The following NUMB variants were observed in gnomAD, a reference collection of about 807,000 sequenced individuals.
NUMB encodes protein numb homolog.
In NUMB, 29 loss-of-function variants were observed where a neutral mutation model predicts 59.7. The ratio of observed to expected loss-of-function variants is 0.49; its 90% CI spans 0.36 to 0.66. The LOEUF (loss-of-function observed/expected upper bound fraction) is 0.66. Among genes scored for constraint, NUMB ranks in the 30% least tolerant of loss-of-function variants. The probability of loss-of-function intolerance (pLI) is 0.00; values close to 1 mark genes in which losing one functional copy is unlikely to be tolerated. For missense variants in NUMB, 723 were observed against 822.0 expected (o/e 0.88, Z 1.47); for synonymous variants, 288 against 288.2 (o/e 1.00, Z 0.01).
intron 3 of NUMB, among the ~76,000 whole-genome samples, chr14:73,361,743 A>G (rs1400639812): frequency 2.0e-5 from 3 of 152,296 alleles, no homozygotes; most frequent in Admixed American, 6.5e-5. Context: ...TAGGTACTAG[A>G]AGAGCCAGGA....
At chr14:73,437,527 T>C (rs1456057563) in intron 1 of NUMB, among the ~76,000 whole-genome samples, 2 of 152,186 alleles carry the variant, frequency 1.3e-5, no homozygotes, top group Non-Finnish European at 2.9e-5. Context: ...TGCAATTTTC[T>C]ATTGATTATG....
intron 2 of NUMB, among the ~76,000 whole-genome samples, chr14:73,375,880 T>C (rs1246808004): frequency 1.3e-5 from 2 of 152,326 alleles, no homozygotes; most frequent in Admixed American, 1.3e-4. Context: ...AAAAATTTTA[T>C]ACAAACTAGG....
chr14:73,394,830 C>CA (rs1226929608), intron 2 of NUMB, among the ~76,000 whole-genome samples: 3 of 151,810 alleles, frequency 2.0e-5, no homozygotes, highest in Non-Finnish European at 4.4e-5. Flanking sequence ...TCATTTGAAA[C>CA]AAAAAATAAC....
intron 1 of NUMB, among the ~76,000 whole-genome samples, chr14:73,413,283 C>T (rs973668957): frequency 6.6e-6 from 1 of 150,976 alleles, no homozygotes; most frequent in Non-Finnish European, 1.5e-5. Context: ...GACAGGGTTT[C>T]ACCATGTTGG....
intron 6 of NUMB, among the ~76,000 whole-genome samples, chr14:73,312,668 T>C (rs1890838220): frequency 6.7e-6 from 1 of 150,166 alleles, no homozygotes; most frequent in Admixed American, 6.6e-5. Flanking sequence ...GAGCCATCAT[T>C]GTGCCACTGC....
chr14:73,425,701 G>A (rs1020052206), intron 1 of NUMB, among the ~76,000 whole-genome samples: 1 of 151,988 alleles, frequency 6.6e-6, no homozygotes, highest in African/African-American at 2.4e-5. Flanking sequence ...CTATATTCAA[G>A]GCACTGTTCT....
At chr14:73,396,058 G>A (rs902860930) in intron 2 of NUMB, among the ~76,000 whole-genome samples, 1 of 151,916 alleles carries the variant, frequency 6.6e-6, no homozygotes, top group Non-Finnish European at 1.5e-5. Flanking sequence ...TTAGAGACAG[G>A]CACATGCCAT....
At chr14:73,425,625 TA>T (rs1209471837) in intron 1 of NUMB, among the ~76,000 whole-genome samples, 1 of 152,146 alleles carries the variant, frequency 6.6e-6, no homozygotes, top group Admixed American at 6.6e-5. Context: ...TATAACTGTC[TA>T]AATACCAACA....
At chr14:73,316,930 C>T (rs999534027) in intron 5 of NUMB, among the ~76,000 whole-genome samples, 3 of 152,170 alleles carry the variant, frequency 2.0e-5, no homozygotes, top group East Asian at 1.9e-4. Flanking sequence ...AAATGTAATA[C>T]GTAAAATTAA....
chr14:73,456,784 G>A (rs1401331135), intron 1 of NUMB, among the ~76,000 whole-genome samples: 1 of 152,108 alleles, frequency 6.6e-6, no homozygotes, highest in Non-Finnish European at 1.5e-5. Context: ...CTTAAAGTGT[G>A]GTCCTCTGAC....
At chr14:73,278,061 A>AAG (rs1555367169) in intron 12 of NUMB, among the ~76,000 whole-genome samples, 1 of 150,822 alleles carries the variant, frequency 6.6e-6, no homozygotes, top group Admixed American at 6.6e-5. Context: ...AAAAAAAAAA[A>AAG]AAAAAAACAC....
At chr14:73,415,520 T>G (rs1441317056) in intron 1 of NUMB, among the ~76,000 whole-genome samples, 1 of 151,466 alleles carries the variant, frequency 6.6e-6, no homozygotes, top group African/African-American at 2.4e-5. Flanking sequence ...TTTTTTTTTT[T>G]TTTTGAGATG....
At chr14:73,378,014 C>T (rs1167024434) in intron 2 of NUMB, among the ~76,000 whole-genome samples, 4 of 148,986 alleles carry the variant, frequency 2.7e-5, no homozygotes, top group African/African-American at 1.0e-4. Flanking sequence ...CACACACACA[C>T]ACACATACAC....
intron 2 of NUMB, among the ~76,000 whole-genome samples, chr14:73,367,564 A>C (rs1248601126): frequency 6.6e-6 from 1 of 151,786 alleles, no homozygotes; most frequent in Non-Finnish European, 1.5e-5. Flanking sequence ...ACTTGAGCCC[A>C]GGGGTTCAAG....
At chr14:73,311,906 T>G (rs1028308527) in intron 6 of NUMB, among the ~76,000 whole-genome samples, 1 of 152,198 alleles carries the variant, frequency 6.6e-6, no homozygotes, top group Admixed American at 6.5e-5. Flanking sequence ...GGAGATGAAT[T>G]AAGTGATGGC....
intron 2 of NUMB, among the ~76,000 whole-genome samples, chr14:73,384,224 G>GGCCCACTATATAGGGCCC (rs1895386699): frequency 6.6e-6 from 1 of 151,612 alleles, no homozygotes; most frequent in South Asian, 2.1e-4. Context: ...GAGTAGCTGG[G>GGCCCACTATATAGGGCCC]ACTATAGGGG....
intron 2 of NUMB, among the ~76,000 whole-genome samples, chr14:73,398,210 T>C (rs780976962): frequency 2.0e-5 from 3 of 152,090 alleles, no homozygotes; most frequent in Non-Finnish European, 4.4e-5. Flanking sequence ...TATCCCACAA[T>C]AGAAGATTAA....
At chr14:73,406,915 T>C (rs1177596653) in intron 2 of NUMB, among the ~76,000 whole-genome samples, 1 of 152,194 alleles carries the variant, frequency 6.6e-6, no homozygotes, top group Non-Finnish European at 1.5e-5. Flanking sequence ...TCTGTTCATA[T>C]CCTTCGCCCA....
At chr14:73,426,499 G>A (rs369127755) in intron 1 of NUMB, among the ~76,000 whole-genome samples, 115 of 152,184 alleles carry the variant, frequency 7.6e-4, no homozygotes, top group Middle Eastern at 3.4e-3. Context: ...TTGAGCCCAG[G>A]AGTTTGAGAC....
Sources: allele counts gnomAD v4.1 joint callset (sites outside exome capture counted in the v4.1 genomes callset), GRCh38; gene constraint gnomAD v4.1.1; transcripts MANE v1.5; gene names NCBI Gene and HGNC (gene_info 2026-07-23, HGNC 2026-07-21).